Variants in CHSY3 observed in about 807,000 individuals in gnomAD.
CHSY3 encodes chondroitin sulfate synthase 3.
Under a neutral mutation model 67.2 loss-of-function variants are expected in CHSY3, and 35 were observed. The ratio of observed to expected loss-of-function variants is 0.52; its 90% CI spans 0.40 to 0.69. CHSY3 has a LOEUF of 0.69. Ranked by LOEUF, CHSY3 falls within the 30% of genes least tolerant of loss-of-function variation. The probability of loss-of-function intolerance (pLI) is 0.00; values close to 1 mark genes in which losing one functional copy is unlikely to be tolerated. For synonymous variants in CHSY3, 474 were observed against 434.7 expected (o/e 1.09, Z -1.12); for missense variants, 1,069 against 1,138.5 (o/e 0.94, Z 0.88).
intron 2 of CHSY3, chr5:130,002,247 TC>T (rs560067727): frequency 0.023 from 3,733 of 161,656 alleles, 66 homozygotes; most frequent in Non-Finnish European, 0.035. Context: ...TAGCCCAGGA[TC>T]AAAAAAGAAG....
chr5:129,997,095 A>G (rs1413097361), intron 2 of CHSY3, among the ~76,000 whole-genome samples: 1 of 149,880 alleles, frequency 6.7e-6, no homozygotes. Flanking sequence ...ACCAAAGTGC[A>G]TATTTCTCAG....
chr5:129,924,659 A>T (rs957207273), intron 2 of CHSY3, among the ~76,000 whole-genome samples: 23 of 152,158 alleles, frequency 1.5e-4, no homozygotes, highest in Non-Finnish European at 3.4e-4. Flanking sequence ...AAAAAAAAAA[A>T]AATAGAATTA....
intron 2 of CHSY3, among the ~76,000 whole-genome samples, chr5:130,097,419 T>A (rs1404906179): frequency 2.0e-5 from 3 of 152,158 alleles, no homozygotes; most frequent in Admixed American, 6.5e-5. Flanking sequence ...TGGCTTGTAT[T>A]TCTACTCTTA....
intron 2 of CHSY3, among the ~76,000 whole-genome samples, chr5:130,017,530 A>G (rs899614749): frequency 1.3e-5 from 2 of 152,156 alleles, no homozygotes; most frequent in African/African-American, 4.8e-5. Context: ...AAAGAGAAAA[A>G]GCTACTTGAT....
intron 2 of CHSY3, among the ~76,000 whole-genome samples, chr5:130,136,910 T>TA (rs1192343557): frequency 6.6e-6 from 1 of 152,186 alleles, no homozygotes; most frequent in Non-Finnish European, 1.5e-5. Flanking sequence ...TTCCCTATTT[T>TA]AATCTCGGGT....
At chr5:129,942,391 T>A (rs73785818) in intron 2 of CHSY3, among the ~76,000 whole-genome samples, 4,601 of 152,272 alleles carry the variant, frequency 0.03, 227 homozygotes, top group African/African-American at 0.11. Flanking sequence ...CTATTATATA[T>A]TTGGAGAATT....
chr5:129,938,635 T>C lies in CHSY3; in HGVS notation c.1086+30275T>C, dbSNP rs545996724. Among the ~76,000 whole-genome samples, 15 of 152,314 alleles carry C rather than the reference T, an allele frequency of 9.8e-5. No individual in the cohort carries two copies. The East Asian group carries it at 2.7e-3, about 27-fold the overall frequency. On this transcript the variant is annotated intron_variant, in intron 2 of 2. Transcript: ENST00000305031. Reference sequence around the variant, plus strand: ...AAATTTTCTCTCTCAAGTTCAAAGTTCCACAGCTATCTAGAGTAGGGGCAC... The same window carrying C: ...AAATTTTCTCTCTCAAGTTCAAAGTCCCACAGCTATCTAGAGTAGGGGCAC...
intron 2 of CHSY3, among the ~76,000 whole-genome samples, chr5:130,005,114 T>A (rs1282440274): frequency 6.6e-6 from 1 of 152,150 alleles, no homozygotes. Context: ...ATCATTTAGA[T>A]AAGAAATCAG....
At chr5:129,918,384 G>A (rs1296603775) in intron 2 of CHSY3, among the ~76,000 whole-genome samples, 2 of 152,182 alleles carry the variant, frequency 1.3e-5, no homozygotes, top group African/African-American at 2.4e-5. Flanking sequence ...TCTGATGGAC[G>A]AAGGTATCAG....
intron 2 of CHSY3, among the ~76,000 whole-genome samples, chr5:130,148,071 C>T (rs1007998813): frequency 3.3e-5 from 5 of 151,990 alleles, no homozygotes; most frequent in African/African-American, 1.2e-4. Flanking sequence ...CACTGTTCCC[C>T]GTGTGTGTTG....
At chr5:130,034,353 C>G (rs1764786895) in intron 2 of CHSY3, among the ~76,000 whole-genome samples, 1 of 152,086 alleles carries the variant, frequency 6.6e-6, no homozygotes, top group Non-Finnish European at 1.5e-5. Context: ...CAGAATTCAT[C>G]TTTTCCATAT....
chr5:129,966,731 G>A (rs548498929), intron 2 of CHSY3, among the ~76,000 whole-genome samples: 45 of 151,752 alleles, frequency 3.0e-4, no homozygotes, highest in Admixed American at 1.6e-3. Flanking sequence ...GTGTCTGCTC[G>A]AAGGAAAGAC....
At chr5:130,140,566 G>T (rs1768829144) in intron 2 of CHSY3, 2 of 546,726 alleles carry the variant, frequency 3.7e-6, no homozygotes, top group East Asian at 3.3e-5. Flanking sequence ...TGCTGCTACT[G>T]CTTATAGACA....
intron 2 of CHSY3, among the ~76,000 whole-genome samples, chr5:130,123,326 C>T (rs1343500430): frequency 5.9e-5 from 9 of 152,122 alleles, no homozygotes; most frequent in Non-Finnish European, 1.2e-4. Flanking sequence ...CAGTCACCAA[C>T]CTTTTTGGCA....
chr5:130,014,258 C>G (rs1255952548), intron 2 of CHSY3, among the ~76,000 whole-genome samples: 1 of 152,182 alleles, frequency 6.6e-6, no homozygotes, highest in Non-Finnish European at 1.5e-5. Flanking sequence ...TTACCCAGTT[C>G]TAAAGTCACT....
rs115641964 is a variant in CHSY3 at position 130,158,247 on chromosome 5, C to T, written c.1087-25982C>T. The stretch of plus-strand genomic sequence containing the variant: ...ATCCAGCCCCTATTCAAGATGGAGT[C>T]GCTCTGGTTCACAAACACCTCTGAC... On this transcript the variant is annotated intron_variant, in intron 2 of 2. Coordinates refer to ENST00000305031, the MANE Select transcript of CHSY3 (RefSeq NM_175856.5). 6.3e-3 allele frequency among the ~76,000 whole-genome samples: 956 copies of T among 152,244 alleles called. 9 individuals are homozygous for T. Among genetic ancestry groups the T allele is most frequent in the African/African-American group, 0.022 (915 of 41,524 alleles).
chr5:129,913,141 GT>G (rs1416427374), intron 2 of CHSY3, among the ~76,000 whole-genome samples: 1 of 152,122 alleles, frequency 6.6e-6, no homozygotes, highest in Non-Finnish European at 1.5e-5. Context: ...GTATTTTAAG[GT>G]TTTTTGCTTT....
chr5:129,952,321 C>CT (rs1406154221), intron 2 of CHSY3, among the ~76,000 whole-genome samples: 1 of 152,112 alleles, frequency 6.6e-6, no homozygotes. Context: ...ACACTGATTT[C>CT]TTTTGAAGAC....
At chr5:130,005,970 G>A (rs904643947) in intron 2 of CHSY3, among the ~76,000 whole-genome samples, 1 of 151,980 alleles carries the variant, frequency 6.6e-6, no homozygotes, top group East Asian at 1.9e-4. Context: ...GAATCCTGGA[G>A]GCATAAGATA....
Sources: allele counts gnomAD v4.1 joint callset (sites outside exome capture counted in the v4.1 genomes callset), GRCh38; gene constraint gnomAD v4.1.1; transcripts MANE v1.5; gene names NCBI Gene and HGNC (gene_info 2026-07-23, HGNC 2026-07-21).